POGLUT3: variants seen among roughly 807,000 people sequenced by gnomAD.
The protein encoded by POGLUT3 is KDEL (Lys-Asp-Glu-Leu) containing 2.
In POGLUT3, 48 loss-of-function variants were observed where a neutral mutation model predicts 54.3. That is an observed-to-expected ratio of 0.88 (90% CI 0.70 to 1.12). The LOEUF (loss-of-function observed/expected upper bound fraction) is 1.12. Ranked by LOEUF, POGLUT3 falls within the 50% of genes most tolerant of loss-of-function variation. POGLUT3 has a pLI of 0.00. For missense variants in POGLUT3, 629 were observed against 618.7 expected (o/e 1.02, Z -0.18); for synonymous variants, 218 against 237.4 (o/e 0.92, Z 0.75).
intron 7 of POGLUT3, among the ~76,000 whole-genome samples, 172 bp from the exon 8 acceptor site, chr11:108,475,124 AT>A (rs1442141002): frequency 6.6e-6 from 1 of 152,168 alleles, no homozygotes; most frequent in African/African-American, 2.4e-5. Context: ...AACTTTAGCT[AT>A]CACAGGCACT....
In POGLUT3 at chr11:108,491,086, C is replaced by T; in HGVS notation, c.284G>A (p.Arg95Lys). Residue 95 changes from arginine (R) to lysine (K), a missense_variant, in exon 2 of 8, where the codon AGG (arginine) becomes AAG (lysine). Arg to Lys is a conservative substitution (Grantham distance 26). Transcript: ENST00000323468. The stretch of plus-strand genomic sequence containing the variant: ...TCTCATCAAAAATGTTCCATCATTC[C>T]TGTCCAAAGGTTTAGGGACATGTAT... ...VRIHVPKPLD[R>K]NDGTFLMRYR... 1 of 1,613,962 alleles carries T rather than the reference C, an allele frequency of 6.2e-7. No individual in the cohort carries two copies. Among genetic ancestry groups the T allele is most frequent in the Non-Finnish European group, 8.5e-7 (1 of 1,179,816 alleles).
chr11:108,493,926 G>A (rs2093617655), intron 1 of POGLUT3, among the ~76,000 whole-genome samples: 1 of 152,082 alleles, frequency 6.6e-6, no homozygotes, highest in Non-Finnish European at 1.5e-5. Flanking sequence ...AAGGAGGTTG[G>A]CAGCATCAAA....
chr11:108,477,563 G>T, intron 7 of POGLUT3, 44 bp downstream of exon 7: 1 of 1,222,708 alleles, frequency 8.2e-7, no homozygotes, highest in Non-Finnish European at 1.2e-6. Flanking sequence ...CGGGTAGTCT[G>T]AGGACACCCG....
chr11:108,481,062 T>C (rs181443227), intron 5 of POGLUT3, 118 bp downstream of exon 5: 7 of 714,126 alleles, frequency 9.8e-6, no homozygotes, highest in Non-Finnish European at 1.7e-5. Context: ...AATAAGAAAG[T>C]GTGAACATGT....
chr11:108,474,770 A>G lies in POGLUT3; in HGVS notation c.*57T>C. ...TTCTATACTGTCCTTCACAGCTTAG[A>G]TTCAATCTTTCCTTAAAGTGTAGCC... On this transcript the variant is annotated 3_prime_UTR_variant, in exon 8 of 8. Coordinates refer to ENST00000323468, the MANE Select transcript of POGLUT3 (RefSeq NM_153705.5). 6.3e-7 allele frequency: 1 copy of G among 1,584,944 alleles called. No individual in the cohort carries two copies. Among genetic ancestry groups the G allele is most frequent in the Admixed American group, 1.8e-5 (1 of 56,130 alleles).
intron 1 of POGLUT3, among the ~76,000 whole-genome samples, chr11:108,496,897 C>CTTATT (rs1294519774): frequency 2.6e-5 from 4 of 152,218 alleles, no homozygotes; most frequent in African/African-American, 4.8e-5. Context: ...AATTACAGTA[C>CTTATT]TTATTTTCCC....
intron 3 of POGLUT3, among the ~76,000 whole-genome samples, chr11:108,483,951 G>C (rs1253509349): frequency 6.6e-6 from 1 of 152,214 alleles, no homozygotes; most frequent in South Asian, 2.1e-4. Flanking sequence ...TGACAGGTGT[G>C]AGCCACCGTG....
At chr11:108,491,344 G>T in intron 1 of POGLUT3, 177 bp from the exon 2 acceptor site, 1 of 603,234 alleles carries the variant, frequency 1.7e-6, no homozygotes, top group Non-Finnish European at 2.9e-6. Context: ...TCTGGTTCAT[G>T]CATTCTTTTT....
rs1310163410 is a variant in POGLUT3 at position 108,486,286 on chromosome 11, C to T, written c.555G>A (p.Arg185=). 1.2e-6 allele frequency: 2 copies of T among 1,614,110 alleles called. No individual in the cohort carries two copies. Among genetic ancestry groups the T allele is most frequent in the Middle Eastern group, 1.6e-4 (1 of 6,062 alleles). ...LQQMLKEVPK[R]FGDERGAIVH... ...CAATGGCACCTCTCTCATCCCCAAA[C>T]CTTTTGGGGACTTCTTTTAGCATTT... The change falls in exon 3 of 8, where the codon AGG becomes AGA. Residue 185 remains arginine (R), a synonymous_variant. Coordinates refer to ENST00000323468, the MANE Select transcript of POGLUT3 (RefSeq NM_153705.5).
At chr11:108,476,860 A>G (rs929259586) in intron 7 of POGLUT3, among the ~76,000 whole-genome samples, 2 of 152,180 alleles carry the variant, frequency 1.3e-5, no homozygotes, top group African/African-American at 2.4e-5. Flanking sequence ...AAAAGGCATG[A>G]ATCTTAAGTA....
chr11:108,472,378 C>T lies in POGLUT3; in HGVS notation c.*2449G>A, dbSNP rs1011207407. The T allele has an allele frequency of 6.6e-6, 1 of 152,132 alleles. No homozygotes were observed. The highest frequency in any genetic ancestry group is 2.4e-5 in the African/African-American group (1 of 41,436). The allele number at this position is 152,132 out of a possible 1,614,324, so 9.4% of individuals were successfully genotyped here. A position where few individuals can be genotyped will look rare whatever the true frequency, so the allele number is the denominator to read the frequency against. The stretch of plus-strand genomic sequence containing the variant: ...CAAAAAGTAAGAATTCCCTTCACTC[C>T]ATCTTCTCCTCAGATATTGGTGAAT... On this transcript the variant is annotated 3_prime_UTR_variant, in exon 8 of 8. Coordinates refer to ENST00000323468, the MANE Select transcript of POGLUT3 (RefSeq NM_153705.5).
chr11:108,481,242 A>G lies in POGLUT3; in HGVS notation c.1036T>C (p.Phe346Leu), dbSNP rs781270689. 10 of 1,612,844 alleles carry G rather than the reference A, an allele frequency of 6.2e-6. No individual in the cohort carries two copies. In the Admixed American group the frequency reaches 1.7e-4, roughly 27 times the overall value. The change falls in exon 5 of 8, where the codon TTC becomes CTC. Residue 346 changes from phenylalanine (F) to leucine (L), a missense_variant. By Grantham distance (22) the Phe-to-Leu change is conservative. Transcript: ENST00000323468. ...CCAAGCTCCTTTTCTTTCTCTTGGA[A>G]AAAGAAATATCCTGTAATTCCTGCA... is the stretch of plus-strand genomic sequence containing the variant. ...LDAGITGYFF[F>L]QEKEKELGKA...
intron 3 of POGLUT3, among the ~76,000 whole-genome samples, chr11:108,483,294 A>C (rs1371398814): frequency 6.6e-6 from 1 of 152,126 alleles, no homozygotes; most frequent in East Asian, 1.9e-4. Flanking sequence ...TACTCTCTGA[A>C]AATGCCATCC....
Position 108,481,327 on chromosome 11 carries a change from GTC to G in POGLUT3, c.949_950del (p.Asp317GlnfsTer46). ...CCAACTGGAGCCTCTCCTCTCGGCT[GTC>G]TCTACCTCTGAAGAAAGCTCTCTCT... ...KTERAFFRGR[D>X]SREERLQLVQ... is the part of the protein sequence containing the mutation. On this transcript the variant is annotated frameshift_variant, in exon 5 of 8. Coordinates refer to ENST00000323468, the MANE Select transcript of POGLUT3 (RefSeq NM_153705.5). LOFTEE classifies it high-confidence loss of function. 1 of 1,607,350 alleles carries G rather than the reference GTC, an allele frequency of 6.2e-7. No homozygotes were observed. Among genetic ancestry groups the G allele is most frequent in the Non-Finnish European group, 8.5e-7 (1 of 1,178,120 alleles).
chr11:108,491,578 G>T, intron 1 of POGLUT3: 1 of 215,906 alleles, frequency 4.6e-6, no homozygotes, highest in Non-Finnish European at 9.2e-6. Context: ...GGGTTGGAGG[G>T]GGTCTTGCTG....
At chr11:108,492,964 C>T (rs2093615827) in intron 1 of POGLUT3, among the ~76,000 whole-genome samples, 1 of 152,184 alleles carries the variant, frequency 6.6e-6, no homozygotes, top group African/African-American at 2.4e-5. Flanking sequence ...ATTGGAAAGC[C>T]ATTTTCATTG....
intron 3 of POGLUT3, 25 bp from the exon 4 acceptor site, chr11:108,482,247 C>A (rs2093594364): frequency 6.5e-7 from 1 of 1,530,876 alleles, no homozygotes; most frequent in African/African-American, 1.4e-5. Context: ...AAACAAACAT[C>A]AGTGCTGGGA....
intron 6 of POGLUT3, 85 bp from the exon 7 acceptor site, chr11:108,477,796 TG>T: frequency 1.2e-6 from 1 of 866,894 alleles, no homozygotes; most frequent in Middle Eastern, 2.3e-4. Context: ...GGGACAGATG[TG>T]GGGTTGAAAG....
At position 108,490,710 on chromosome 11, in the gene POGLUT3, TGGAAATATGGATCTACACAAA is replaced by T. The variant is rs2093611493; in HGVS notation, c.400+239_400+259del. Among the ~76,000 whole-genome samples the T allele has an allele frequency of 7.3e-5, 10 of 137,268 alleles. No homozygotes were observed. The South Asian group carries it at 2.4e-3, about 32-fold the overall frequency. 90.1% of individuals were successfully genotyped at this position (137,268 alleles called of 152,430 possible). Reference sequence around the variant, plus strand: ...TAAGCAGAAGGCAAATGTTACTAGATGGAAATATGGATCTACACAAAGGAATGAAGAGTTTCGCAAATAGTA... The same window carrying T: ...TAAGCAGAAGGCAAATGTTACTAGATGGAATGAAGAGTTTCGCAAATAGTA... On this transcript the variant is annotated intron_variant, in intron 2 of 7. Coordinates refer to ENST00000323468, the MANE Select transcript of POGLUT3 (RefSeq NM_153705.5).
Sources: allele counts gnomAD v4.1 joint callset (sites outside exome capture counted in the v4.1 genomes callset), GRCh38; gene constraint gnomAD v4.1.1; transcripts MANE v1.5; gene names NCBI Gene and HGNC (gene_info 2026-07-23, HGNC 2026-07-21).